AOPEP: variants seen among roughly 807,000 people sequenced by gnomAD.
AOPEP encodes aminopeptidase O.
Under a neutral mutation model 98.1 loss-of-function variants are expected in AOPEP, and 77 were observed. The observed-to-expected ratio is 0.78, with a 90% confidence interval of 0.65 to 0.95. AOPEP has a LOEUF of 0.95. AOPEP is among the 40% of genes least tolerant of loss of function. The pLI is 0.00. For missense variants in AOPEP, 1,024 were observed against 1,024.7 expected, an observed-to-expected ratio of 1.00 and a Z score of 0.01; for synonymous variants, 346 against 365.3, an observed-to-expected ratio of 0.95 and a Z score of 0.60.
At chr9:95,125,257 A>G in the AOPEP span, 5 of 1,238,422 alleles carry the variant, frequency 4.0e-6, no homozygotes, top group Non-Finnish European at 6.0e-6. Flanking sequence ...TGCACTGTAT[A>G]AGGGAAAAGT....
chr9:95,097,152 A>G, the AOPEP span, among the ~76,000 whole-genome samples: 3 of 152,232 alleles, frequency 2.0e-5, no homozygotes, highest in Non-Finnish European at 2.9e-5. Context: ...GGTGCCTACA[A>G]AACATCTTTC....
chr9:95,060,401 C>T (rs902462860), intron 13 of AOPEP, among the ~76,000 whole-genome samples: 11 of 152,090 alleles, frequency 7.2e-5, no homozygotes, highest in African/African-American at 1.9e-4. Flanking sequence ...CAGTAAACCA[C>T]GATAATGTTT....
chr9:95,085,498 C>T (rs372599606), intron 16 of AOPEP: 31 of 531,280 alleles, frequency 5.8e-5, no homozygotes, highest in Non-Finnish European at 9.7e-5. Context: ...GATTGGTTTC[C>T]GCTTTGTTCA....
At chr9:94,757,767 A>G (rs1837391474) in intron 1 of AOPEP, among the ~76,000 whole-genome samples, 1 of 152,086 alleles carries the variant, frequency 6.6e-6, no homozygotes, top group Non-Finnish European at 1.5e-5. Context: ...GTGTGTGTTC[A>G]GGGCTTTTTT....
intron 13 of AOPEP, among the ~76,000 whole-genome samples, chr9:95,050,354 C>T (rs755792909): frequency 3.3e-5 from 5 of 152,130 alleles, no homozygotes; most frequent in Non-Finnish European, 7.3e-5. Context: ...CTTACATGTC[C>T]AAGAGGCTGT....
chr9:94,863,889 C>T (rs2045404997), intron 5 of AOPEP, among the ~76,000 whole-genome samples: 2 of 152,168 alleles, frequency 1.3e-5, no homozygotes, highest in South Asian at 4.1e-4. Flanking sequence ...GAAGCTGCTG[C>T]AGAATACTTT....
At chr9:94,962,705 C>CT (rs2058927179) in intron 9 of AOPEP, among the ~76,000 whole-genome samples, 1 of 151,520 alleles carries the variant, frequency 6.6e-6, no homozygotes, top group Non-Finnish European at 1.5e-5. Flanking sequence ...AATGCCCTCC[C>CT]TGTCCAGCAT....
At chr9:95,080,191 T>C (rs901191799) in intron 14 of AOPEP, among the ~76,000 whole-genome samples, 1 of 152,248 alleles carries the variant, frequency 6.6e-6, no homozygotes, top group Non-Finnish European at 1.5e-5. Context: ...CTTTTCTCTC[T>C]AAAGTTGACC....
At chr9:94,809,398 G>A (rs1849975030) in intron 5 of AOPEP, among the ~76,000 whole-genome samples, 3 of 152,198 alleles carry the variant, frequency 2.0e-5, no homozygotes, top group Admixed American at 2.0e-4. Flanking sequence ...TTTTTACAGT[G>A]AGCATTTCAT....
At chr9:94,774,400 A>C (rs1457254582) in intron 3 of AOPEP, among the ~76,000 whole-genome samples, 4 of 151,850 alleles carry the variant, frequency 2.6e-5, no homozygotes, top group Non-Finnish European at 5.9e-5. Flanking sequence ...AATAAATTAA[A>C]AAAATTATAG....
intron 13 of AOPEP, chr9:95,056,501 C>T (rs2133864185): frequency 6.6e-6 from 1 of 152,418 alleles, no homozygotes; most frequent in South Asian, 2.1e-4. Context: ...GGCGGAACCT[C>T]AGTTGCGTGG....
intron 11 of AOPEP, among the ~76,000 whole-genome samples, chr9:94,994,335 C>T (rs2061087249): frequency 6.6e-6 from 1 of 152,194 alleles, no homozygotes; most frequent in Admixed American, 6.5e-5. Context: ...TCCCTTCCCT[C>T]CTTCCCCTCA....
intron 1 of AOPEP, among the ~76,000 whole-genome samples, chr9:94,747,391 C>T (rs1238982393): frequency 6.6e-6 from 1 of 152,072 alleles, no homozygotes; most frequent in Non-Finnish European, 1.5e-5. Flanking sequence ...GTGAAAGACC[C>T]TATTGTAGCA....
At chr9:95,074,738 G>A (rs531684576) in intron 14 of AOPEP, among the ~76,000 whole-genome samples, 4 of 152,312 alleles carry the variant, frequency 2.6e-5, no homozygotes, top group Non-Finnish European at 2.9e-5. Context: ...TTCTTCTTGC[G>A]AGAGCTGTGC....
chr9:94,815,606 C>T (rs1301412267), intron 5 of AOPEP, among the ~76,000 whole-genome samples: 2 of 152,066 alleles, frequency 1.3e-5, no homozygotes, highest in Admixed American at 6.6e-5. Context: ...CAATGGCTCC[C>T]CTGCTTGCAG....
the AOPEP span, among the ~76,000 whole-genome samples, chr9:95,093,275 G>GGGT: frequency 6.6e-6 from 1 of 152,206 alleles, no homozygotes; most frequent in Non-Finnish European, 1.5e-5. Flanking sequence ...TTGGAAAGCT[G>GGGT]GGTCATGGCC....
intron 5 of AOPEP, among the ~76,000 whole-genome samples, chr9:94,913,159 G>C (rs2052329974): frequency 6.6e-6 from 1 of 152,198 alleles, no homozygotes; most frequent in Non-Finnish European, 1.5e-5. Context: ...AGAATGATGA[G>C]TCAAGGGAAC....
chr9:94,774,858 G>GAT (rs1841730283), intron 3 of AOPEP, among the ~76,000 whole-genome samples: 1 of 152,176 alleles, frequency 6.6e-6, no homozygotes, highest in Non-Finnish European at 1.5e-5. Context: ...TTGCTCATCT[G>GAT]ATAGGCAGCA....
At chr9:94,824,791 C>CT (rs1463335421) in intron 5 of AOPEP, 1 of 151,488 alleles carries the variant, frequency 6.6e-6, no homozygotes, top group Non-Finnish European at 1.5e-5. Context: ...TTTTACACTT[C>CT]TTTTTTCTCA....
Sources: allele counts gnomAD v4.1 joint callset (sites outside exome capture counted in the v4.1 genomes callset), GRCh38; gene constraint gnomAD v4.1.1; transcripts MANE v1.5; gene names NCBI Gene and HGNC (gene_info 2026-07-23, HGNC 2026-07-21).